The following CPS1 variants were observed in gnomAD, a reference collection of about 807,000 sequenced individuals.
CPS1 encodes carbamoyl-phosphate synthase 1.
A neutral mutation model predicts 174.6 loss-of-function variants in CPS1; 109 were observed. The ratio of observed to expected loss-of-function variants is 0.62; its 90% CI spans 0.53 to 0.73. The LOEUF (loss-of-function observed/expected upper bound fraction) is 0.73. CPS1 is among the 30% of genes least tolerant of loss of function. The pLI is 0.00. For synonymous variants in CPS1, 637 were observed against 632.0 expected (o/e 1.01, Z -0.12); for missense variants, 1,689 against 1,821.9 (o/e 0.93, Z 1.33).
intron 1 of CPS1, among the ~76,000 whole-genome samples, chr2:210,498,374 GT>G (rs1695057845): frequency 6.6e-6 from 1 of 151,914 alleles, no homozygotes; most frequent in Non-Finnish European, 1.5e-5. Context: ...CACCTCCTTG[GT>G]TAAATATATT....
At chr2:210,579,890 A>T in intron 5 of CPS1, 120 bp downstream of exon 5, 1 of 814,618 alleles carries the variant, frequency 1.2e-6, no homozygotes, top group South Asian at 1.4e-5. Flanking sequence ...GAATCTGGCC[A>T]GCTTCTGCTA....
chr2:210,637,899 C>T (rs1303385823), intron 22 of CPS1, 56 bp downstream of exon 22: 15 of 1,585,604 alleles, frequency 9.5e-6, no homozygotes, highest in Middle Eastern at 1.8e-4. Flanking sequence ...TGTGGTAAAA[C>T]GTAGGCACCC....
chr2:210,599,328 T>G, intron 13 of CPS1, 44 bp from the exon 14 acceptor site: 1 of 1,575,490 alleles, frequency 6.3e-7, no homozygotes, highest in Non-Finnish European at 8.7e-7. Context: ...CATTCTCTTC[T>G]TTAGACCATA....
At chr2:210,670,398 A>G (rs1355515007) in intron 34 of CPS1, among the ~76,000 whole-genome samples, 1 of 152,124 alleles carries the variant, frequency 6.6e-6, no homozygotes, top group East Asian at 1.9e-4. Flanking sequence ...CTAAATGGAG[A>G]GTTAATAGCT....
rs564732436 is a variant in CPS1, at chr2:210,549,529, A to G, written c.4-7190A>G. On this transcript the variant is annotated intron_variant, in intron 1 of 38. Transcript: ENST00000430249. Reference sequence around the variant, plus strand: ...TTGTGTAATTGTTAGTTTCTTTACTAGTTGTTCCATCATTTACACAATTAT... The same window carrying G: ...TTGTGTAATTGTTAGTTTCTTTACTGGTTGTTCCATCATTTACACAATTAT... Among the ~76,000 whole-genome samples the G allele has an allele frequency of 2.0e-4, 31 of 152,172 alleles. No homozygotes were observed. The East Asian group carries it at 6.0e-3, about 30-fold the overall frequency.
At chr2:210,509,017 C>T (rs1456253178) in intron 1 of CPS1, among the ~76,000 whole-genome samples, 2 of 152,290 alleles carry the variant, frequency 1.3e-5, no homozygotes, top group South Asian at 2.1e-4. Context: ...GGAATCCTCC[C>T]TAACTCATTT....
Position 210,600,668 on chromosome 2 carries a change from A to T in CPS1, c.1663A>T (p.Asn555Tyr), listed in dbSNP as rs1210460160. The change falls in exon 15 of 38, where the codon AAT becomes TAT. Residue 555 changes from asparagine (N) to tyrosine (Y), a missense_variant. Physicochemically the swap from Asn to Tyr is moderately radical, Grantham distance 143. Coordinates refer to ENST00000233072, the MANE Select transcript of CPS1 (RefSeq NM_001875.5). ...CAGGCAGCTGTTTTCAGATAAACTA[A>T]ATGAGATCAATGAAAAGATTGCTCC... ...EDRQLFSDKL[N>Y]EINEKIAPSF... The T allele has an allele frequency of 6.2e-7, 1 of 1,612,258 alleles. No individual in the cohort carries two copies. Among genetic ancestry groups the T allele is most frequent in the Non-Finnish European group, 8.5e-7 (1 of 1,178,826 alleles).
At chr2:210,594,411 C>T in intron 11 of CPS1, 97 bp from the exon 12 acceptor site, 1 of 799,032 alleles carries the variant, frequency 1.3e-6, no homozygotes, top group Non-Finnish European at 2.1e-6. Context: ...TTATTTGTTG[C>T]TTATCTGAAG....
intron 32 of CPS1, among the ~76,000 whole-genome samples, chr2:210,661,998 C>T (rs999469266): frequency 2.7e-5 from 4 of 149,678 alleles, no homozygotes; most frequent in Admixed American, 6.7e-5. Flanking sequence ...CTCTGCCTTC[C>T]GGGTTCAAGC....
At chr2:210,529,762 T>C (rs532149064) in intron 1 of CPS1, among the ~76,000 whole-genome samples, 59 of 152,106 alleles carry the variant, frequency 3.9e-4, no homozygotes, top group African/African-American at 1.4e-3. Context: ...TGGAGATGGA[T>C]GAGGATGGAT....
intron 9 of CPS1, 58 bp downstream of exon 9, chr2:210,590,964 A>T (rs1698275876): frequency 1.5e-6 from 2 of 1,356,536 alleles, no homozygotes; most frequent in South Asian, 2.4e-5. Context: ...AACTAAATAC[A>T]AAGAACTCAG....
chr2:210,554,112 T>C (rs1696809224), upstream of CPS1, among the ~76,000 whole-genome samples: 1 of 145,732 alleles, frequency 6.9e-6, no homozygotes. Flanking sequence ...TACACATATA[T>C]ATATGTATGT....
chr2:210,613,397 G>A (rs994492602), intron 20 of CPS1, among the ~76,000 whole-genome samples: 4 of 151,810 alleles, frequency 2.6e-5, no homozygotes, highest in Non-Finnish European at 5.9e-5. Flanking sequence ...ATCTCTTGAT[G>A]GACATTTTCC....
At chr2:210,588,235 GCATTCTTTCAGAATGTCAGGGGTCTA>G in intron 7 of CPS1, 88 bp downstream of exon 7, 1 of 1,153,410 alleles carries the variant, frequency 8.7e-7, no homozygotes, top group Non-Finnish European at 1.3e-6. Flanking sequence ...AGAAACTTAT[GCATTCTTTCAGAATGTCAGGGGTCTA>G]CATTCTTCTT....
At chr2:210,628,270 T>C (rs1474569943) in intron 21 of CPS1, among the ~76,000 whole-genome samples, 3 of 152,208 alleles carry the variant, frequency 2.0e-5, no homozygotes, top group Non-Finnish European at 4.4e-5. Flanking sequence ...GTGCATTTTC[T>C]ATGTCTTCTT....
rs75395645 is a variant in CPS1 at position 210,612,173 on chromosome 2, C to T, written c.2448C>T (p.Cys816=). 0.024 allele frequency: 38,342 copies of T among 1,612,062 alleles called. 529 individuals are homozygous for T. The highest frequency in any genetic ancestry group is 0.028 in the Non-Finnish European group (33,560 of 1,178,740). The stretch of plus-strand genomic sequence containing the variant: ...GTTTCCAGAAAGCTTTACGGATGTG[C>T]CACCCATCTATAGAAGGTTTCACTC... ...EESFQKALRM[C]HPSIEGFTPR... is the part of the protein sequence containing the mutation. The change falls in exon 20 of 38, where the codon TGC becomes TGT. Residue 816 remains cysteine, a synonymous_variant. Coordinates refer to ENST00000233072, the MANE Select transcript of CPS1 (RefSeq NM_001875.5).
At chr2:210,599,828 G>GT (rs1698647146) in intron 14 of CPS1, among the ~76,000 whole-genome samples, 6 of 151,812 alleles carry the variant, frequency 4.0e-5, no homozygotes. Flanking sequence ...CTACTCTATC[G>GT]CAGGATATTG....
intron 31 of CPS1, among the ~76,000 whole-genome samples, chr2:210,659,066 A>C (rs1417146869): frequency 1.3e-5 from 2 of 152,194 alleles, no homozygotes; most frequent in Non-Finnish European, 2.9e-5. Context: ...AGACGATACC[A>C]TTTGCAAAAA....
chr2:210,512,630 A>T (rs1695528284), intron 1 of CPS1, among the ~76,000 whole-genome samples: 1 of 150,186 alleles, frequency 6.7e-6, no homozygotes, highest in African/African-American at 2.4e-5. Flanking sequence ...GGTTGATTCC[A>T]TATCTTTGCT....
Sources: gnomAD v4.1 joint callset for allele counts (sites outside exome capture counted in the v4.1 genomes callset) on GRCh38, gnomAD v4.1.1 for gene constraint, MANE v1.5 for transcripts, NCBI Gene and HGNC (gene_info 2026-07-23, HGNC 2026-07-21) for gene names.